SLC25A21: variants seen among roughly 807,000 people sequenced by gnomAD.
SLC25A21 encodes the protein solute carrier family 25 member 21, also known as mitochondrial 2-oxodicarboxylate carrier.
In SLC25A21, 47 loss-of-function variants were observed where a neutral mutation model predicts 43.8. The observed-to-expected ratio is 1.07, with a 90% CI of 0.85 to 1.37. The LOEUF (loss-of-function observed/expected upper bound fraction) is 1.37, where lower values mean the gene tolerates loss of function less well. Ranked by LOEUF, SLC25A21 falls within the 40% of genes most tolerant of loss-of-function variation. The probability of loss-of-function intolerance (pLI) is 0.00; values close to 1 mark genes in which losing one functional copy is unlikely to be tolerated. For synonymous variants in SLC25A21, 131 were observed against 121.3 expected (o/e 1.08, Z -0.52); for missense variants, 352 against 350.2 (o/e 1.00, Z -0.04).
chr14:36,772,879 T>C lies in SLC25A21; in HGVS notation c.204-38306A>G, dbSNP rs543981697. Among the ~76,000 whole-genome samples the C allele has an allele frequency of 2.6e-5, 4 of 152,314 alleles. No individual in the cohort carries two copies. In the East Asian group the frequency reaches 5.8e-4, roughly 22 times the overall value. On this transcript the variant is annotated intron_variant, in intron 3 of 9. Transcript: ENST00000331299. ...ATAACTACATCTTCCTTTGTTGCAA[T>C]TCTAAGCACAGTAAAATAAAAGCAT...
intron 1 of SLC25A21, among the ~76,000 whole-genome samples, chr14:37,005,817 T>C (rs1167017035): frequency 1.3e-5 from 2 of 152,216 alleles, no homozygotes; most frequent in Non-Finnish European, 2.9e-5. Context: ...CGCATGTACT[T>C]GCCTATGAAT....
At chr14:36,997,448 T>A (rs775688940) in intron 1 of SLC25A21, among the ~76,000 whole-genome samples, 1 of 152,104 alleles carries the variant, frequency 6.6e-6, no homozygotes, top group Non-Finnish European at 1.5e-5. Context: ...AAATAACTGT[T>A]AGTTAAGAAT....
At chr14:36,798,874 C>A (rs1887765960) in intron 3 of SLC25A21, among the ~76,000 whole-genome samples, 1 of 151,160 alleles carries the variant, frequency 6.6e-6, no homozygotes, top group Non-Finnish European at 1.5e-5. Context: ...CTGAAATGAG[C>A]AGCTCTTTTT....
intron 1 of SLC25A21, among the ~76,000 whole-genome samples, chr14:36,988,188 C>T (rs1026845095): frequency 6.6e-6 from 1 of 152,154 alleles, no homozygotes; most frequent in Admixed American, 6.5e-5. Context: ...AGAGGTAAGC[C>T]TCACGAGACT....
intron 4 of SLC25A21, among the ~76,000 whole-genome samples, chr14:36,733,202 TC>T (rs769697633): frequency 1.3e-5 from 2 of 152,220 alleles, no homozygotes; most frequent in Non-Finnish European, 2.9e-5. Context: ...AGTATATTAT[TC>T]CATGCAGACA....
chr14:37,016,482 C>T (rs1001616386), intron 1 of SLC25A21, among the ~76,000 whole-genome samples: 1 of 152,122 alleles, frequency 6.6e-6, no homozygotes, highest in Non-Finnish European at 1.5e-5. Context: ...AGCGTGATGC[C>T]TCCAGCTTTG....
Position 36,678,416 on chromosome 14 carries a change from G to T in SLC25A21, c.*2242C>A. On this transcript the variant is annotated 3_prime_UTR_variant, in exon 10 of 10. Coordinates refer to ENST00000331299, the MANE Select transcript of SLC25A21 (RefSeq NM_030631.4). ...AGGAGAAGAATAAGCAGAAGGAGCA[G>T]ATGAACTCTCAGGGCCATAGTCTTC... 2 of 1,274,072 alleles carry T rather than the reference G, an allele frequency of 1.6e-6. No homozygotes were observed. The highest frequency in any genetic ancestry group is 2.2e-6 in the Non-Finnish European group (2 of 907,380). The allele number at this position is 1,274,072 out of a possible 1,614,324, so 78.9% of individuals were successfully genotyped here. A position where few individuals can be genotyped will look rare whatever the true frequency, so the allele number is the denominator to read the frequency against.
chr14:36,697,738 C>CTTTTTTTTTTTTTTTTTTTTTT (rs757711209), intron 7 of SLC25A21, among the ~76,000 whole-genome samples: 5 of 111,660 alleles, frequency 4.5e-5, no homozygotes, highest in Admixed American at 1.9e-4. Flanking sequence ...GCAAGCCCTA[C>CTTTTTTTTTTTTTTTTTTTTTT]TTTTTTTTTT....
chr14:36,957,971 T>C (rs1959385260), intron 1 of SLC25A21, among the ~76,000 whole-genome samples: 1 of 152,256 alleles, frequency 6.6e-6, no homozygotes, highest in Non-Finnish European at 1.5e-5. Context: ...TGATAAAATA[T>C]AGCGATTAAC....
intron 1 of SLC25A21, among the ~76,000 whole-genome samples, chr14:37,140,239 T>C (rs907839729): frequency 5.3e-5 from 8 of 152,222 alleles, no homozygotes; most frequent in African/African-American, 1.7e-4. Context: ...TATTCTGCCT[T>C]GGTAGATACA....
intron 3 of SLC25A21, among the ~76,000 whole-genome samples, chr14:36,781,874 C>T (rs1887076318): frequency 6.6e-6 from 1 of 152,174 alleles, no homozygotes; most frequent in Admixed American, 6.5e-5. Flanking sequence ...TAATTAACAT[C>T]CTTTTATTTA....
intron 1 of SLC25A21, among the ~76,000 whole-genome samples, chr14:36,934,491 C>T (rs78202061): frequency 0.043 from 6,512 of 151,292 alleles, 287 homozygotes; most frequent in Middle Eastern, 0.14. Context: ...AAAAAGCATG[C>T]CATCCCTCGG....
At chr14:37,124,448 G>A (rs1308025839) in intron 1 of SLC25A21, among the ~76,000 whole-genome samples, 2 of 151,874 alleles carry the variant, frequency 1.3e-5, no homozygotes, top group Non-Finnish European at 2.9e-5. Flanking sequence ...TGCATACTTA[G>A]GGTTACATCA....
At chr14:37,055,945 G>A (rs2138804744) in intron 1 of SLC25A21, among the ~76,000 whole-genome samples, 1 of 148,698 alleles carries the variant, frequency 6.7e-6, no homozygotes, top group South Asian at 2.1e-4. Flanking sequence ...GGCCTGGTGG[G>A]AGGTGACTGG....
chr14:37,054,844 T>G (rs1294152344), intron 1 of SLC25A21, among the ~76,000 whole-genome samples: 1 of 152,226 alleles, frequency 6.6e-6, no homozygotes, highest in East Asian at 1.9e-4. Context: ...AAATTATGAA[T>G]GGCTTTGGAG....
intron 7 of SLC25A21, among the ~76,000 whole-genome samples, chr14:36,687,385 G>C (rs182775403): frequency 3.3e-5 from 5 of 152,158 alleles, no homozygotes; most frequent in African/African-American, 9.7e-5. Context: ...GACCCATCTC[G>C]GGGGTGAGAA....
At chr14:36,713,699 CA>C (rs1485165069) in intron 6 of SLC25A21, among the ~76,000 whole-genome samples, 1 of 152,168 alleles carries the variant, frequency 6.6e-6, no homozygotes, top group African/African-American at 2.4e-5. Context: ...TTCCGGAGGT[CA>C]GTGGCTTCTG....
At chr14:36,977,193 T>C (rs1295380057) in intron 1 of SLC25A21, among the ~76,000 whole-genome samples, 1 of 152,202 alleles carries the variant, frequency 6.6e-6, no homozygotes, top group South Asian at 2.1e-4. Context: ...TCTGGGGATC[T>C]ATGGCCTAAT....
intron 1 of SLC25A21, among the ~76,000 whole-genome samples, chr14:36,936,441 G>C (rs997687577): frequency 3.9e-5 from 6 of 151,980 alleles, no homozygotes; most frequent in African/African-American, 1.5e-4. Flanking sequence ...CTCCTGAAAT[G>C]ATTACTACCA....
Sources: allele counts gnomAD v4.1 joint callset (sites outside exome capture counted in the v4.1 genomes callset), GRCh38; gene constraint gnomAD v4.1.1; transcripts MANE v1.5; gene names NCBI Gene and HGNC (gene_info 2026-07-23, HGNC 2026-07-21).